The following FBXO17 variants were observed in gnomAD, a reference collection of about 807,000 sequenced individuals.
FBXO17 encodes the protein F-box protein 17, also known as F-box only protein 17.
A neutral mutation model predicts 34.1 loss-of-function variants in FBXO17; 43 were observed. The ratio of observed to expected loss-of-function variants is 1.26; its 90% CI spans 0.99 to 1.62. The LOEUF (loss-of-function observed/expected upper bound fraction) is 1.62. Among genes scored for constraint, FBXO17 ranks in the 40% most tolerant of loss-of-function variants. The pLI, the probability that FBXO17 is intolerant of heterozygous loss-of-function variation, is 0.00. For synonymous variants in FBXO17, 169 were observed against 166.0 expected (o/e 1.02, Z -0.14); for missense variants, 424 against 386.7 (o/e 1.10, Z -0.81).
intron 3 of FBXO17, among the ~76,000 whole-genome samples, chr19:38,947,987 G>A (rs948872257): frequency 6.6e-6 from 1 of 151,272 alleles, no homozygotes; most frequent in African/African-American, 2.4e-5. Context: ...ACTCCATCTT[G>A]GGTGCTAATC....
intron 1 of FBXO17, among the ~76,000 whole-genome samples, chr19:38,953,017 C>A (rs1975109717): frequency 6.6e-6 from 1 of 152,144 alleles, no homozygotes; most frequent in African/African-American, 2.4e-5. Context: ...TAAAAACATT[C>A]TTGACCTGGC....
At chr19:38,949,888 T>C in intron 2 of FBXO17, 83 bp downstream of exon 2, 1 of 1,407,524 alleles carries the variant, frequency 7.1e-7, no homozygotes, top group South Asian at 1.5e-5. Context: ...ATTGGCTACA[T>C]CTCTCAGACT....
In FBXO17 at chr19:38,945,098, G is replaced by C. The variant is rs138216167; in HGVS notation, c.564C>G (p.Gly188=). 6.2e-7 allele frequency: 1 copy of C among 1,613,930 alleles called. No homozygotes were observed. Among genetic ancestry groups the C allele is most frequent in the African/African-American group, 1.3e-5 (1 of 74,930 alleles). The change falls in exon 5 of 6, where the codon GGC becomes GGG. Residue 188 remains glycine (G), a synonymous_variant. Transcript: ENST00000292852. ...QIEICVADWW[G]ARENCGCVYQ... ...AGACGCAGCCGCAGTTCTCTCGAGC[G>C]CCCCACCTGCCAGGCAGCAGTCAGC...
chr19:38,974,022 A>ATATATATATG (rs1487257625), intron 1 of FBXO17, among the ~76,000 whole-genome samples: 1 of 128,236 alleles, frequency 7.8e-6, no homozygotes, highest in African/African-American at 2.7e-5. Flanking sequence ...ATATGTGTAT[A>ATATATATATG]TATATATATA....
rs1248703869 is a variant in FBXO17 at position 38,942,420 on chromosome 19, C to G, written c.*188G>C. ...GGGACTACAGGCGGCACCACCATGC[C>G]TGGCTAATTTTTTAAAAATTATTTG... On this transcript the variant is annotated 3_prime_UTR_variant, in exon 6 of 6. Transcript: ENST00000292852. The G allele has an allele frequency of 2.7e-5, 14 of 527,124 alleles. No homozygotes were observed. The highest frequency in any genetic ancestry group is 4.2e-5 in the Non-Finnish European group (14 of 332,988). 32.7% of individuals were successfully genotyped at this position (527,124 alleles called of 1,614,324 possible).
chr19:38,970,244 G>A (rs1975375076), intron 1 of FBXO17, among the ~76,000 whole-genome samples: 2 of 151,106 alleles, frequency 1.3e-5, no homozygotes, highest in African/African-American at 2.4e-5. Flanking sequence ...GTCTCACTGT[G>A]TTGCCCAGGC....
chr19:38,957,644 G>T (rs1351016794), intron 1 of FBXO17, among the ~76,000 whole-genome samples: 1 of 152,104 alleles, frequency 6.6e-6, no homozygotes, highest in Non-Finnish European at 1.5e-5. Flanking sequence ...GCGCCCGGCA[G>T]TTCCTGTTCT....
chr19:38,952,957 C>T (rs550973943), intron 1 of FBXO17, among the ~76,000 whole-genome samples: 7 of 152,170 alleles, frequency 4.6e-5, no homozygotes, highest in South Asian at 2.1e-4. Context: ...CCCTCACCCT[C>T]CCATGCCCTC....
intron 5 of FBXO17, 186 bp downstream of exon 5, chr19:38,944,783 G>A (rs543349577): frequency 5.2e-6 from 4 of 766,082 alleles, no homozygotes; most frequent in Non-Finnish European, 8.2e-6. Context: ...AAGGGGTTTT[G>A]CTAATGAAAT....
Position 38,942,625 on chromosome 19 carries a change from T to A in FBXO17, c.820A>T (p.Arg274Trp). ...ALVTHSSVRV[R>W]IRLS is the part of the protein sequence containing the mutation. ...TCCAGTCGCTAGGACAGACGGATCC[T>A]GACCCTCACACTGGAGTGGGTCACA... Residue 274 changes from arginine to tryptophan, a missense_variant, in exon 6 of 6, where the codon AGG becomes TGG. By Grantham distance (101) the Arg-to-Trp change is moderately radical. Coordinates refer to ENST00000292852, the MANE Select transcript of FBXO17 (RefSeq NM_024907.7). 1 of 1,584,232 alleles carries A rather than the reference T, an allele frequency of 6.3e-7. No homozygotes were observed. The highest frequency in any genetic ancestry group is 2.4e-5 in the East Asian group (1 of 42,126).
At chr19:38,951,386 G>A (rs550026530) in intron 1 of FBXO17, among the ~76,000 whole-genome samples, 223 of 150,782 alleles carry the variant, frequency 1.5e-3, no homozygotes, top group African/African-American at 5.3e-3. Flanking sequence ...CATTGCCCTG[G>A]CTGGTCTTGA....
Position 38,945,123 on chromosome 19 carries a change from C to A in FBXO17, c.558-19G>T. 6.2e-7 allele frequency: 1 copy of A among 1,613,284 alleles called. No homozygotes were observed. Among genetic ancestry groups the A allele is most frequent in the Admixed American group, 1.7e-5 (1 of 59,990 alleles). On this transcript the variant is annotated intron_variant, in intron 4 of 5. Transcript: ENST00000292852. Reference sequence around the variant, plus strand: ...GCCCCACCTGCCAGGCAGCAGTCAGCCTCTATGCCCCCGTCACCCAGCCAG... The same window carrying A: ...GCCCCACCTGCCAGGCAGCAGTCAGACTCTATGCCCCCGTCACCCAGCCAG...
Position 38,941,622 on chromosome 19 carries a change from A to G in FBXO17, c.*986T>C, listed in dbSNP as rs1449339367. 1.3e-5 allele frequency: 2 copies of G among 152,258 alleles called. No homozygotes were observed. The highest frequency in any genetic ancestry group is 4.8e-5 in the African/African-American group (2 of 41,474). 9.4% of individuals were successfully genotyped at this position (152,258 alleles called of 1,614,324 possible). A position where few individuals can be genotyped will look rare whatever the true frequency, so the allele number is the denominator to read the frequency against. ...CAGCAGGAACATGTCGTTAAGGCAC[A>G]GATCACTTATGCTATGGTTTGTGGT... On this transcript the variant is annotated 3_prime_UTR_variant, in exon 6 of 6. Transcript: ENST00000292852.
intron 1 of FBXO17, among the ~76,000 whole-genome samples, chr19:38,966,487 C>T (rs1004573493): frequency 7.9e-5 from 12 of 151,968 alleles, no homozygotes; most frequent in South Asian, 2.1e-4. Context: ...TTTCATTTTG[C>T]AATGGGCCAT....
At chr19:38,972,865 T>C (rs1254571970) in intron 1 of FBXO17, among the ~76,000 whole-genome samples, 3 of 152,020 alleles carry the variant, frequency 2.0e-5, no homozygotes, top group African/African-American at 7.2e-5. Context: ...GTTCAAGCTA[T>C]TCTCCCGCCT....
At chr19:38,948,046 G>A (rs535750116) in intron 3 of FBXO17, among the ~76,000 whole-genome samples, 5 of 141,224 alleles carry the variant, frequency 3.5e-5, no homozygotes, top group Admixed American at 7.2e-5. Context: ...TCATTCTGTC[G>A]CCCAGGCTGG....
intron 5 of FBXO17, 106 bp from the exon 6 acceptor site, chr19:38,942,857 GTT>G (rs11313800): frequency 7.3e-7 from 1 of 1,375,292 alleles, no homozygotes; most frequent in Non-Finnish European, 9.8e-7. Flanking sequence ...TCCTGCGCTA[GTT>G]TGCTGGGGAC....
Position 38,950,264 on chromosome 19 carries a change from TC to T in FBXO17, c.55del (p.Asp19ThrfsTer12). 1 of 1,500,850 alleles carries T rather than the reference TC, an allele frequency of 6.7e-7. No individual in the cohort carries two copies. Among genetic ancestry groups the T allele is most frequent in the South Asian group, 1.3e-5 (1 of 78,142 alleles). The allele number at this position is 1,500,850 out of a possible 1,614,324, so 93.0% of individuals were successfully genotyped here. A position where few individuals can be genotyped will look rare whatever the true frequency, so the allele number is the denominator to read the frequency against. On this transcript the variant is annotated frameshift_variant, in exon 2 of 6. Transcript: ENST00000292852. LOFTEE classifies it high-confidence loss of function. ...RLPADPSLAL[D>X]ALPPELLVQV... ...CACCAGCAGCTCCGGGGGCAGCGCG[TC>T]CAGGGCCAGGGATGGGTCCGCCGGC...
chr19:38,969,867 G>C (rs1351628032), intron 1 of FBXO17, among the ~76,000 whole-genome samples: 1 of 151,876 alleles, frequency 6.6e-6, no homozygotes, highest in African/African-American at 2.4e-5. Flanking sequence ...CGAAGTGCTG[G>C]GATTATAGGC....
Sources: gnomAD v4.1 joint callset for allele counts (sites outside exome capture counted in the v4.1 genomes callset) on GRCh38, gnomAD v4.1.1 for gene constraint, MANE v1.5 for transcripts, NCBI Gene and HGNC (gene_info 2026-07-23, HGNC 2026-07-21) for gene names.